TIPARP: variants seen among roughly 807,000 people sequenced by gnomAD.
TIPARP encodes the protein TCDD inducible poly(ADP-ribose) polymerase.
TIPARP carries 12 observed loss-of-function variants against 56.5 expected under a neutral mutation model. The observed-to-expected ratio is 0.21, with a 90% CI of 0.14 to 0.34. The LOEUF (loss-of-function observed/expected upper bound fraction) is 0.34, where lower values mean the gene tolerates loss of function less well. Among genes scored for constraint, TIPARP ranks in the 10% least tolerant of loss-of-function variants. TIPARP has a pLI of 1.00. For synonymous variants in TIPARP, 296 were observed against 265.7 expected (o/e 1.11, Z -1.11); for missense variants, 604 against 781.6 (o/e 0.77, Z 2.71).
In TIPARP at chr3:156,705,095, C is replaced by A; in HGVS notation, c.1938C>A (p.Ile646=). ...ACCAGAGTTACCCTTATTTTGTTAT[C>A]CAATATGAAGAAGTCAGTAACACTG... is the stretch of plus-strand genomic sequence containing the variant. ...NDDQSYPYFV[I]QYEEVSNTVS... The change falls in exon 6 of 6, where the codon ATC becomes ATA. Residue 646 remains isoleucine (I), a synonymous_variant. Transcript: ENST00000295924. The A allele has an allele frequency of 1.9e-6, 3 of 1,609,552 alleles. 1 individual carries two copies. Among genetic ancestry groups the A allele is most frequent in the South Asian group, 2.2e-5 (2 of 90,180 alleles).
intron 2 of TIPARP, among the ~76,000 whole-genome samples, chr3:156,688,640 G>A (rs561811713): frequency 6.6e-6 from 1 of 152,148 alleles, no homozygotes; most frequent in Admixed American, 6.5e-5. Flanking sequence ...TTCACAAAAT[G>A]TGTTGGTATT....
chr3:156,679,023 AG>A (rs1214416156), intron 2 of TIPARP, among the ~76,000 whole-genome samples: 1 of 152,210 alleles, frequency 6.6e-6, no homozygotes, highest in Non-Finnish European at 1.5e-5. Flanking sequence ...TATTTTTTAA[AG>A]AAAAATAGTA....
chr3:156,680,170 A>G (rs1227164453), intron 2 of TIPARP, among the ~76,000 whole-genome samples: 1 of 152,182 alleles, frequency 6.6e-6, no homozygotes, highest in African/African-American at 2.4e-5. Flanking sequence ...CTATGAGATA[A>G]AAGTAAGGTC....
chr3:156,705,056 C>T lies in TIPARP; in HGVS notation c.1899C>T (p.Val633=). 6.2e-7 allele frequency: 1 copy of T among 1,613,962 alleles called. No homozygotes were observed. Among genetic ancestry groups the T allele is most frequent in the Non-Finnish European group, 8.5e-7 (1 of 1,179,920 alleles). ...ATTTCTTTGAGCCTCAGATTTTTGT[C>T]ATTTTTAATGATGACCAGAGTTACC... ...VDNFFEPQIF[V]IFNDDQSYPY... Residue 633 remains valine, a synonymous_variant, in exon 6 of 6, where the codon GTC becomes GTT. Transcript: ENST00000295924.
chr3:156,703,688 G>A lies in TIPARP; in HGVS notation c.1512G>A (p.Trp504Ter). Reference protein sequence around the residue: ...QILRVQNQFLWEKYKRKKEYM... With the variant: ...QILRVQNQFL ...TGAGAGTCCAAAACCAGTTTCTTTG[G>A]GAGAAATATAAAAGGTGAGTCAGAT... The change falls in exon 5 of 6, where the codon TGG (tryptophan) becomes TGA (stop). Residue 504 changes from tryptophan (W) to a stop codon, truncating the protein, a stop_gained. Transcript: ENST00000295924. LOFTEE classifies it high-confidence loss of function. 1 of 1,611,144 alleles carries A rather than the reference G, an allele frequency of 6.2e-7. No homozygotes were observed. The highest frequency in any genetic ancestry group is 8.5e-7 in the Non-Finnish European group (1 of 1,179,510).
At chr3:156,703,257 C>T (rs1367903867) in intron 4 of TIPARP, among the ~76,000 whole-genome samples, 167 bp from the exon 5 acceptor site, 1 of 152,146 alleles carries the variant, frequency 6.6e-6, no homozygotes, top group Non-Finnish European at 1.5e-5. Flanking sequence ...GCGATGTTTG[C>T]TCCAAGCCTT....
At chr3:156,691,106 T>C (rs1373542552) in intron 2 of TIPARP, among the ~76,000 whole-genome samples, 1 of 152,086 alleles carries the variant, frequency 6.6e-6, no homozygotes, top group Non-Finnish European at 1.5e-5. Flanking sequence ...GTTTAGAAGG[T>C]CTCCTTTTCC....
intron 1 of TIPARP, chr3:156,675,152 G>A (rs933866066): frequency 7.2e-6 from 1 of 138,808 alleles, no homozygotes. Flanking sequence ...GGTGCTCTGA[G>A]GCGCCTAGGA....
chr3:156,687,973 A>G (rs1722471696), intron 2 of TIPARP, among the ~76,000 whole-genome samples: 1 of 152,218 alleles, frequency 6.6e-6, no homozygotes, highest in African/African-American at 2.4e-5. Flanking sequence ...AATGCATTGT[A>G]TCTTAAGTTG....
At chr3:156,691,829 T>C (rs1171085255) in intron 2 of TIPARP, among the ~76,000 whole-genome samples, 1 of 152,200 alleles carries the variant, frequency 6.6e-6, no homozygotes, top group African/African-American at 2.4e-5. Context: ...AAAACAGTAC[T>C]TTGATACATC....
At chr3:156,677,086 A>T (rs1444703417) in intron 1 of TIPARP, among the ~76,000 whole-genome samples, 1 of 151,708 alleles carries the variant, frequency 6.6e-6, no homozygotes, top group Non-Finnish European at 1.5e-5. Context: ...TGCTTAACAG[A>T]CTCCTGGCTT....
intron 3 of TIPARP, among the ~76,000 whole-genome samples, chr3:156,694,670 C>T (rs1386858995): frequency 6.6e-6 from 1 of 152,196 alleles, no homozygotes; most frequent in African/African-American, 2.4e-5. Context: ...CAGTTATTTA[C>T]AATTTTCTCC....
At chr3:156,700,830 T>G (rs1722828307) in intron 4 of TIPARP, among the ~76,000 whole-genome samples, 1 of 152,146 alleles carries the variant, frequency 6.6e-6, no homozygotes, top group South Asian at 2.1e-4. Flanking sequence ...TAATAAAAGG[T>G]GAGTTTGGAT....
chr3:156,686,675 G>T (rs887735689), intron 2 of TIPARP, among the ~76,000 whole-genome samples: 1 of 151,968 alleles, frequency 6.6e-6, no homozygotes, highest in African/African-American at 2.4e-5. Context: ...CCTTTTTATG[G>T]GTATCATTTG....
intron 4 of TIPARP, among the ~76,000 whole-genome samples, chr3:156,700,328 G>T (rs563741581): frequency 6.6e-6 from 1 of 151,714 alleles, no homozygotes; most frequent in East Asian, 1.9e-4. Context: ...ATGTTGCTGG[G>T]GCTGGTCTTG....
At chr3:156,697,419 C>A (rs1722741861) in intron 4 of TIPARP, among the ~76,000 whole-genome samples, 1 of 56,090 alleles carries the variant, frequency 1.8e-5, no homozygotes. Context: ...TGGAATATGC[C>A]CTCTTTTTTT....
chr3:156,677,007 T>G (rs1722147115), intron 1 of TIPARP, among the ~76,000 whole-genome samples: 1 of 152,118 alleles, frequency 6.6e-6, no homozygotes, highest in Non-Finnish European at 1.5e-5. Context: ...GCGGTAATGT[T>G]TTTGGGGGTT....
chr3:156,688,963 T>G (rs966528911), intron 2 of TIPARP, among the ~76,000 whole-genome samples: 1 of 152,192 alleles, frequency 6.6e-6, no homozygotes, highest in Non-Finnish European at 1.5e-5. Flanking sequence ...AAAAGGACAC[T>G]ACTAATTGTG....
At chr3:156,697,795 C>T (rs760196030) in intron 4 of TIPARP, among the ~76,000 whole-genome samples, 1 of 152,258 alleles carries the variant, frequency 6.6e-6, no homozygotes, top group East Asian at 1.9e-4. Flanking sequence ...ACAGCACCCA[C>T]ATAAGACGGC....
Sources: gnomAD v4.1 joint callset for allele counts (sites outside exome capture counted in the v4.1 genomes callset) on GRCh38, gnomAD v4.1.1 for gene constraint, MANE v1.5 for transcripts, NCBI Gene and HGNC (gene_info 2026-07-23, HGNC 2026-07-21) for gene names.